The following DAAM2 variants were observed in gnomAD, a reference collection of about 807,000 sequenced individuals.
DAAM2 encodes dishevelled associated activator of morphogenesis 2, also known as disheveled-associated activator of morphogenesis 2.
Under a neutral mutation model 120.7 loss-of-function variants are expected in DAAM2, and 39 were observed. The observed-to-expected ratio is 0.32, with a 90% CI of 0.25 to 0.42. The LOEUF is 0.42. DAAM2 is among the 10% of genes least tolerant of loss of function. The pLI, the probability that DAAM2 is intolerant of heterozygous loss-of-function variation, is 1.00. For missense variants in DAAM2, 1,283 were observed against 1,401.7 expected (o/e 0.92, Z 1.35); for synonymous variants, 488 against 524.9 (o/e 0.93, Z 0.96).
At chr6:39,897,605 A>G (rs1350151567) in intron 21 of DAAM2, among the ~76,000 whole-genome samples, 1 of 152,188 alleles carries the variant, frequency 6.6e-6, no homozygotes, top group African/African-American at 2.4e-5. Flanking sequence ...GACTTACACG[A>G]TTATTCATAA....
chr6:39,854,528 A>G (rs116021223), intron 1 of DAAM2, among the ~76,000 whole-genome samples: 91 of 152,322 alleles, frequency 6.0e-4, no homozygotes, highest in African/African-American at 2.1e-3. Flanking sequence ...AAAGAAAGAG[A>G]AAATGGAGCT....
chr6:39,884,052 G>C lies in DAAM2; in HGVS notation c.1936G>C (p.Ala646Pro), dbSNP rs771930785. The change falls in exon 15 of 25, where the codon GCC becomes CCC. Residue 646 changes from alanine (A) to proline (P), a missense_variant. Physicochemically the swap from Ala to Pro is conservative, Grantham distance 27 (BLOSUM62 -1). Coordinates refer to ENST00000274867, the MANE Select transcript of DAAM2 (RefSeq NM_001201427.2). ...DLEDFEKMFS[A>P]YQRHQKELGS... The stretch of plus-strand genomic sequence containing the variant: ...AGAGGATTTTGAAAAGATGTTTTCA[G>C]CCTACCAGAGGCACCAGGTAAGACC... 6.2e-7 allele frequency: 1 copy of C among 1,602,452 alleles called. No homozygotes were observed. The highest frequency in any genetic ancestry group is 8.5e-7 in the Non-Finnish European group (1 of 1,171,128).
intron 1 of DAAM2, among the ~76,000 whole-genome samples, chr6:39,832,445 A>G (rs1056541321): frequency 6.6e-6 from 1 of 152,170 alleles, no homozygotes; most frequent in Admixed American, 6.5e-5. Context: ...GATTGATGAC[A>G]TAATAGCAGC....
Position 39,901,934 on chromosome 6 carries a change from T to G in DAAM2, c.3104T>G (p.Val1035Gly). Residue 1035 changes from valine to glycine, a missense_variant, in exon 25 of 25, where the codon GTC becomes GGC. Val to Gly is a moderately radical substitution (Grantham distance 109). This residue lies in a region of DAAM2 where 748 missense variants were observed against 768.6 expected (regional missense o/e 0.97). Coordinates refer to ENST00000274867, the MANE Select transcript of DAAM2 (RefSeq NM_001201427.2). The surrounding 1 kb of genome is among the most constrained non-coding windows in gnomAD (Gnocchi z 4.5). ...DLVSALRSGEVFDKDLCKLKR... is the reference protein window; with the variant it reads ...DLVSALRSGEGFDKDLCKLKR... The stretch of plus-strand genomic sequence containing the variant: ...GTGTCGGCCCTGCGCTCTGGGGAGG[T>G]CTTCGACAAGGACTTATGCAAGCTC... The G allele has an allele frequency of 6.2e-7, 1 of 1,607,396 alleles. No individual in the cohort carries two copies.
rs116747110 is a variant in DAAM2, at chr6:39,803,848, C to G, written c.-57+11383C>G. Among the ~76,000 whole-genome samples the G allele has an allele frequency of 5.1e-3, 781 of 152,174 alleles. 5 individuals carry two copies. Among genetic ancestry groups the G allele is most frequent in the African/African-American group, 0.018 (743 of 41,494 alleles). On this transcript the variant is annotated intron_variant, in intron 1 of 24. Coordinates refer to ENST00000274867, the MANE Select transcript of DAAM2 (RefSeq NM_001201427.2). Reference sequence around the variant, plus strand: ...TTGGGAAGCCAAATTGTTTTCCTGCCCAGGGGCTGCTGGAGAGTCATGAAT... The same window carrying G: ...TTGGGAAGCCAAATTGTTTTCCTGCGCAGGGGCTGCTGGAGAGTCATGAAT...
intron 1 of DAAM2, among the ~76,000 whole-genome samples, chr6:39,834,174 A>C (rs1038211652): frequency 5.9e-5 from 9 of 152,090 alleles, no homozygotes; most frequent in Non-Finnish European, 1.5e-5. Context: ...AGAAATGGGG[A>C]TGGGTTTCAG....
At chr6:39,813,846 A>T (rs1034323048) in intron 1 of DAAM2, among the ~76,000 whole-genome samples, 1 of 152,224 alleles carries the variant, frequency 6.6e-6, no homozygotes, top group African/African-American at 2.4e-5. Context: ...TACATATTAT[A>T]TGTGCAGATG....
At chr6:39,813,892 T>C (rs1762235770) in intron 1 of DAAM2, among the ~76,000 whole-genome samples, 1 of 152,232 alleles carries the variant, frequency 6.6e-6, no homozygotes, top group Non-Finnish European at 1.5e-5. Context: ...ATCTTCTGGT[T>C]AGTATTACCA....
intron 15 of DAAM2, chr6:39,887,239 A>G (rs1246662552): frequency 2.4e-6 from 1 of 417,314 alleles, no homozygotes; most frequent in South Asian, 3.1e-5. Flanking sequence ...CTCTAAAAAA[A>G]TAAAAAAAAT....
chr6:39,900,372 A>C (rs1208649142), intron 23 of DAAM2, among the ~76,000 whole-genome samples, 164 bp downstream of exon 23: 1 of 152,234 alleles, frequency 6.6e-6, no homozygotes, highest in Non-Finnish European at 1.5e-5. Context: ...TGATAACCAC[A>C]TACCGCAAAG....
rs370005871 is a variant in DAAM2 at position 39,891,408 on chromosome 6, G to A, written c.2213G>A (p.Arg738Gln). The A allele has an allele frequency of 1.2e-5, 20 of 1,611,048 alleles. No individual in the cohort carries two copies. The East Asian group carries it at 1.6e-4, about 13-fold the overall frequency. Residue 738 changes from arginine to glutamine, a missense_variant, in exon 18 of 25, where the codon CGG (arginine) becomes CAG (glutamine). By Grantham distance (43) the Arg-to-Gln change is conservative. Around this residue, in one of 3 missense-constraint regions of DAAM2, gnomAD observed 748 missense variants for 768.6 expected, o/e 0.97. Coordinates refer to ENST00000274867, the MANE Select transcript of DAAM2 (RefSeq NM_001201427.2). ...LLEEHKHEIE[R>Q]MARADRFLYE... is the part of the protein sequence containing the mutation. ...GAGGAGCACAAGCATGAAATTGAGCGGATGGCCCGTGCTGACCGCTTCCTC... is the reference window on the plus strand; with the variant it reads ...GAGGAGCACAAGCATGAAATTGAGCAGATGGCCCGTGCTGACCGCTTCCTC...
At chr6:39,821,800 G>A (rs1340284839) in intron 1 of DAAM2, 1 of 152,344 alleles carries the variant, frequency 6.6e-6, no homozygotes, top group Non-Finnish European at 1.5e-5. Context: ...TGGTCAGTGA[G>A]TGCTGTTTGT....
chr6:39,899,019 A>G, intron 22 of DAAM2, 82 bp downstream of exon 22: 1 of 1,179,704 alleles, frequency 8.5e-7, no homozygotes, highest in Non-Finnish European at 1.2e-6. Context: ...GCTCCTACAC[A>G]GGGGCAAAAA....
At chr6:39,880,267 C>T (rs560356490) in intron 14 of DAAM2, among the ~76,000 whole-genome samples, 1 of 152,312 alleles carries the variant, frequency 6.6e-6, no homozygotes, top group Admixed American at 6.5e-5. Context: ...CCACACTGAC[C>T]TTTATCCCAT....
In DAAM2 at chr6:39,904,160, A is replaced by G. The variant is rs1414224585; in HGVS notation, c.*2123A>G. ...ATACGCACCTGGAAACAAAAGGACTATGGAAGCTGTTCAAGATACATTTGA... is the reference window on the plus strand; with the variant it reads ...ATACGCACCTGGAAACAAAAGGACTGTGGAAGCTGTTCAAGATACATTTGA... On this transcript the variant is annotated 3_prime_UTR_variant, in exon 25 of 25. Coordinates refer to ENST00000274867, the MANE Select transcript of DAAM2 (RefSeq NM_001201427.2). The G allele has an allele frequency of 2.2e-5, 10 of 456,324 alleles. No individual in the cohort carries two copies. The highest frequency in any genetic ancestry group is 6.5e-4 in the Middle Eastern group (2 of 3,098). 28.3% of individuals were successfully genotyped at this position (456,324 alleles called of 1,614,324 possible). A position where few individuals can be genotyped will look rare whatever the true frequency, so the allele number is the denominator to read the frequency against.
intron 17 of DAAM2, among the ~76,000 whole-genome samples, chr6:39,889,877 C>T (rs1233422011): frequency 6.6e-6 from 1 of 152,148 alleles, no homozygotes; most frequent in East Asian, 1.9e-4. Flanking sequence ...CCTGTAATCC[C>T]AGCACTTTGG....
At chr6:39,792,942 T>C (rs2113968102) in intron 1 of DAAM2, 1 of 152,318 alleles carries the variant, frequency 6.6e-6, no homozygotes, top group African/African-American at 2.4e-5. Context: ...GCCTGGCCTC[T>C]GGCCAGTGGG....
chr6:39,836,832 AG>A (rs781726813), intron 1 of DAAM2, among the ~76,000 whole-genome samples: 11 of 152,320 alleles, frequency 7.2e-5, no homozygotes, highest in Admixed American at 2.0e-4. Flanking sequence ...CTCCGGATAG[AG>A]GGCAAGATAC....
chr6:39,892,193 A>G (rs1302502000), intron 19 of DAAM2, among the ~76,000 whole-genome samples: 1 of 152,252 alleles, frequency 6.6e-6, no homozygotes, highest in East Asian at 1.9e-4. Context: ...TTTCTGAGTC[A>G]GGAACACTTC....
Sources: allele counts gnomAD v4.1 joint callset (sites outside exome capture counted in the v4.1 genomes callset), GRCh38; gene constraint gnomAD v4.1.1; regional missense constraint gnomAD v4.1.1; non-coding constraint Gnocchi (gnomAD v3.1); transcripts MANE v1.5; gene names NCBI Gene and HGNC (gene_info 2026-07-23, HGNC 2026-07-21).